GCNT2: variants seen among roughly 807,000 people sequenced by gnomAD.
The protein encoded by GCNT2 is N-acetyllactosaminide beta-1,6-N-acetylglucosaminyl-transferase.
In GCNT2, 34 loss-of-function variants were observed where a neutral mutation model predicts 34.2. The observed-to-expected ratio is 1.00, with a 90% CI of 0.76 to 1.32. The LOEUF (loss-of-function observed/expected upper bound fraction) is 1.32, where lower values mean the gene tolerates loss of function less well. GCNT2 is among the 40% of genes most tolerant of loss of function. The probability of loss-of-function intolerance (pLI) is 0.00; values close to 1 mark genes in which losing one functional copy is unlikely to be tolerated. For missense variants in GCNT2, 584 were observed against 489.4 expected, an observed-to-expected ratio of 1.19 and a Z score of -1.82; for synonymous variants, 212 against 188.0, an observed-to-expected ratio of 1.13 and a Z score of -1.04.
intron 3 of GCNT2, among the ~76,000 whole-genome samples, chr6:10,600,826 A>ATGCGATCTTGGCTTATTGCAGTGG (rs1352662623): frequency 1.3e-5 from 2 of 151,958 alleles, no homozygotes; most frequent in Non-Finnish European, 2.9e-5. Flanking sequence ...GAGTGCAGTG[A>ATGCGATCTTGGCTTATTGCAGTGG]TGCGATCTTG....
intron 3 of GCNT2, among the ~76,000 whole-genome samples, chr6:10,584,771 T>G (rs960602834): frequency 1.3e-5 from 2 of 152,222 alleles, no homozygotes; most frequent in African/African-American, 4.8e-5. Context: ...ATACAGCACA[T>G]GTTTTTGTGA....
At chr6:10,576,723 G>A (rs1763833146) in intron 3 of GCNT2, among the ~76,000 whole-genome samples, 1 of 151,902 alleles carries the variant, frequency 6.6e-6, no homozygotes, top group South Asian at 2.1e-4. Flanking sequence ...GAAGAACCAG[G>A]ATTCAGAGAT....
intron 1 of GCNT2, among the ~76,000 whole-genome samples, chr6:10,523,497 T>C (rs1390357841): frequency 1.3e-5 from 2 of 152,146 alleles, no homozygotes; most frequent in Non-Finnish European, 2.9e-5. Flanking sequence ...CCAGCTATTT[T>C]TTGTTAAACG....
intron 3 of GCNT2, chr6:10,574,840 C>T (rs1763726470): frequency 6.0e-6 from 4 of 668,958 alleles, no homozygotes; most frequent in Non-Finnish European, 5.7e-6. Flanking sequence ...AGCAGGCTGG[C>T]GCTTCAGTTG....
chr6:10,593,587 C>T (rs1176873948), intron 3 of GCNT2, among the ~76,000 whole-genome samples: 1 of 152,152 alleles, frequency 6.6e-6, no homozygotes, highest in Non-Finnish European at 1.5e-5. Flanking sequence ...ATTCTCTCCT[C>T]AGCCTCCTAC....
At chr6:10,523,098 C>T (rs1760998077) in intron 1 of GCNT2, among the ~76,000 whole-genome samples, 1 of 152,166 alleles carries the variant, frequency 6.6e-6, no homozygotes, top group Non-Finnish European at 1.5e-5. Context: ...TCTTGCATTG[C>T]CTCAAAGTTA....
chr6:10,556,028 G>A, intron 3 of GCNT2: 1 of 1,137,988 alleles, frequency 8.8e-7, no homozygotes, highest in South Asian at 2.1e-5. Flanking sequence ...TCCCTGAATG[G>A]CAGTAACCAG....
In GCNT2 at chr6:10,599,868, G is replaced by C. The variant is rs1383277037; in HGVS notation, c.926-21483G>C. On this transcript the variant is annotated intron_variant, in intron 3 of 4. Transcript: ENST00000495262. ...CACTCCTGGCACATAGAAAGAGGAAGGTTGTGGTGATGAAGTTTTTTTGAG... is the reference window on the plus strand; with the variant it reads ...CACTCCTGGCACATAGAAAGAGGAACGTTGTGGTGATGAAGTTTTTTTGAG... Among the ~76,000 whole-genome samples, 2 of 152,286 alleles carry C rather than the reference G, an allele frequency of 1.3e-5. 1 individual carries two copies. Among genetic ancestry groups the C allele is most frequent in the South Asian group, 4.1e-4 (2 of 4,828 alleles).
chr6:10,577,005 G>A (rs971216475), intron 3 of GCNT2, among the ~76,000 whole-genome samples: 1 of 152,186 alleles, frequency 6.6e-6, no homozygotes, highest in African/African-American at 2.4e-5. Flanking sequence ...TTGAGCTCAG[G>A]AGTTCAAGGC....
chr6:10,577,197 G>A (rs1763858261), intron 3 of GCNT2, among the ~76,000 whole-genome samples: 1 of 152,272 alleles, frequency 6.6e-6, no homozygotes, highest in Admixed American at 6.5e-5. Context: ...CACATCAAAT[G>A]GAGAGAAATC....
chr6:10,525,641 A>G (rs1177747702), intron 1 of GCNT2, among the ~76,000 whole-genome samples: 1 of 152,180 alleles, frequency 6.6e-6, no homozygotes, highest in Admixed American at 6.5e-5. Context: ...GTTCATATTA[A>G]TTCTTTTTTT....
At chr6:10,606,606 C>CCATTAAAGAAATTTAATGGAAATTTA (rs1765322131) in intron 3 of GCNT2, among the ~76,000 whole-genome samples, 1 of 114,886 alleles carries the variant, frequency 8.7e-6, no homozygotes, top group African/African-American at 3.0e-5. Context: ...CCTTTAACTT[C>CCATTAAAGAAATTTAATGGAAATTTA]CATTAAAGAA....
At chr6:10,541,282 C>T (rs759595674) in intron 3 of GCNT2, among the ~76,000 whole-genome samples, 90 of 152,150 alleles carry the variant, frequency 5.9e-4, no homozygotes, top group African/African-American at 2.1e-3. Context: ...TCTGTCTCTG[C>T]GTTACTTTGC....
At chr6:10,534,599 T>C (rs1275765670) in intron 3 of GCNT2, among the ~76,000 whole-genome samples, 2 of 152,132 alleles carry the variant, frequency 1.3e-5, no homozygotes, top group Non-Finnish European at 2.9e-5. Flanking sequence ...CAGCTGCCCT[T>C]TATGTAGCCC....
chr6:10,580,122 A>G (rs1268155297), intron 3 of GCNT2, among the ~76,000 whole-genome samples: 1 of 152,266 alleles, frequency 6.6e-6, no homozygotes, highest in Non-Finnish European at 1.5e-5. Context: ...AAAGAAGACA[A>G]AACTGGCATC....
intron 3 of GCNT2, among the ~76,000 whole-genome samples, chr6:10,559,540 G>A (rs1762876936): frequency 1.3e-5 from 2 of 152,220 alleles, no homozygotes; most frequent in South Asian, 2.1e-4. Context: ...TTTCTTTGCA[G>A]AAGACACAAT....
At chr6:10,552,983 C>G (rs1323743209) in intron 3 of GCNT2, among the ~76,000 whole-genome samples, 1 of 152,190 alleles carries the variant, frequency 6.6e-6, no homozygotes, top group Non-Finnish European at 1.5e-5. Context: ...CTCAACGCGA[C>G]TTTAACAAAC....
At chr6:10,545,184 C>T (rs1195356869) in intron 3 of GCNT2, among the ~76,000 whole-genome samples, 1 of 151,986 alleles carries the variant, frequency 6.6e-6, no homozygotes, top group African/African-American at 2.4e-5. Flanking sequence ...CTTTTCCTCC[C>T]AGCTCTTGCA....
chr6:10,523,224 C>G (rs1420835987), intron 1 of GCNT2, among the ~76,000 whole-genome samples: 3 of 151,876 alleles, frequency 2.0e-5, no homozygotes, highest in Non-Finnish European at 2.9e-5. Flanking sequence ...GAGTTCGAGA[C>G]CAGCCTACCA....
Sources: allele counts gnomAD v4.1 joint callset (sites outside exome capture counted in the v4.1 genomes callset), GRCh38; gene constraint gnomAD v4.1.1; transcripts MANE v1.5; gene names NCBI Gene and HGNC (gene_info 2026-07-23, HGNC 2026-07-21).